DNAH11: variants seen among roughly 807,000 people sequenced by gnomAD.
The protein encoded by DNAH11 is axonemal beta dynein heavy chain 11.
A neutral mutation model predicts 526.0 loss-of-function variants in DNAH11; 442 were observed. The observed-to-expected ratio is 0.84, with a 90% CI of 0.78 to 0.91. DNAH11 has a LOEUF of 0.91. DNAH11 is among the 40% of genes least tolerant of loss of function. The pLI is 0.00. For synonymous variants in DNAH11, 2,461 were observed against 1,935.9 expected, an observed-to-expected ratio of 1.27 and a Z score of -7.12; for missense variants, 6,989 against 5,448.7, an observed-to-expected ratio of 1.28 and a Z score of -8.90.
chr7:21,816,125 T>G (rs556921064), intron 63 of DNAH11, among the ~76,000 whole-genome samples: 1 of 152,236 alleles, frequency 6.6e-6, no homozygotes, highest in East Asian at 1.9e-4. Context: ...CATGGATTGC[T>G]CCATGGGCAA....
At chr7:21,567,843 C>T (rs1046170379) in intron 6 of DNAH11, among the ~76,000 whole-genome samples, 2 of 152,240 alleles carry the variant, frequency 1.3e-5, no homozygotes, top group Non-Finnish European at 2.9e-5. Context: ...GTTCACCTTG[C>T]GTGCTAGCAC....
chr7:21,615,013 A>T, intron 20 of DNAH11, 101 bp from the exon 21 acceptor site: 1 of 1,324,852 alleles, frequency 7.5e-7, no homozygotes, highest in South Asian at 1.5e-5. Context: ...TTTTCCCGTT[A>T]AAAATCAAAG....
rs781049702 is a variant in DNAH11, at chr7:21,711,737, G to A, written c.6860G>A (p.Arg2287His). The A allele has an allele frequency of 6.8e-6, 11 of 1,613,614 alleles. No homozygotes were observed. Among genetic ancestry groups the A allele is most frequent in the East Asian group, 4.5e-5 (2 of 44,884 alleles). ...GTGCTGACCCTCGCCAGCAATGAGC[G>A]CATTGCACTCACTCCCTTCATGAGG... ...NKVLTLASNE[R>H]IALTPFMRLL... Residue 2287 changes from arginine (R) to histidine (H), a missense_variant, in exon 42 of 82, where the codon CGC becomes CAC. Arg to His is a conservative substitution (Grantham distance 29). Transcript: ENST00000409508.
intron 46 of DNAH11, among the ~76,000 whole-genome samples, chr7:21,737,310 G>A (rs1220997245): frequency 6.6e-6 from 1 of 152,212 alleles, no homozygotes; most frequent in Non-Finnish European, 1.5e-5. Flanking sequence ...ACTGCAGATA[G>A]GGTGACCACC....
chr7:21,569,907 T>C (rs1001052378), intron 6 of DNAH11, among the ~76,000 whole-genome samples, 162 bp from the exon 7 acceptor site: 15 of 152,194 alleles, frequency 9.9e-5, no homozygotes, highest in Admixed American at 7.2e-4. Context: ...GTCATTGAAG[T>C]CCAAGTAGCT....
At chr7:21,544,513 T>C (rs971257146) in intron 1 of DNAH11, among the ~76,000 whole-genome samples, 12 of 152,250 alleles carry the variant, frequency 7.9e-5, no homozygotes, top group African/African-American at 2.9e-4. Flanking sequence ...ATAGTTATTA[T>C]AATGTTCAAT....
At chr7:21,823,521 C>T (rs1272930270) in intron 65 of DNAH11, among the ~76,000 whole-genome samples, 1 of 151,968 alleles carries the variant, frequency 6.6e-6, no homozygotes, top group Non-Finnish European at 1.5e-5. Context: ...TTTAATTTGC[C>T]TTATTTAATG....
In DNAH11 at chr7:21,590,961, A is replaced by G. The variant is rs779965664; in HGVS notation, c.2213A>G (p.Lys738Arg). The stretch of plus-strand genomic sequence containing the variant: ...GAAGTGAAATATCTTTTGATGTTGA[A>G]GAAACAAGACATACCAGATTCAGCT... ...LREVKYLLML[K>R]KQDIPDSALA... The change falls in exon 13 of 82, where the codon AAG becomes AGG. Residue 738 changes from lysine (K) to arginine (R), a missense_variant. Coordinates refer to ENST00000409508, the MANE Select transcript of DNAH11 (RefSeq NM_001277115.2). 9.9e-6 allele frequency: 15 copies of G among 1,515,940 alleles called. No homozygotes were observed. In the African/African-American group the frequency reaches 1.6e-4, roughly 16 times the overall value. 93.9% of individuals were successfully genotyped at this position (1,515,940 alleles called of 1,614,324 possible).
intron 71 of DNAH11, among the ~76,000 whole-genome samples, chr7:21,867,019 G>T (rs1783307674): frequency 6.6e-6 from 1 of 152,132 alleles, no homozygotes; most frequent in African/African-American, 2.4e-5. Context: ...TTCAGTGATG[G>T]CATTTTGGTT....
chr7:21,683,309 C>T (rs1282013861), intron 31 of DNAH11, among the ~76,000 whole-genome samples: 1 of 152,152 alleles, frequency 6.6e-6, no homozygotes, highest in Non-Finnish European at 1.5e-5. Flanking sequence ...ATGAAAAATA[C>T]TGTTATTTGA....
At chr7:21,580,094 G>A (rs1010021400) in intron 8 of DNAH11, among the ~76,000 whole-genome samples, 1 of 152,160 alleles carries the variant, frequency 6.6e-6, no homozygotes, top group Non-Finnish European at 1.5e-5. Flanking sequence ...ACTTTCCAAG[G>A]GAGAGGTCCC....
intron 30 of DNAH11, among the ~76,000 whole-genome samples, chr7:21,680,542 A>G (rs1783095871): frequency 1.3e-5 from 2 of 152,212 alleles, no homozygotes; most frequent in African/African-American, 4.8e-5. Context: ...TCACATGTTT[A>G]TGTAGGTAGT....
At chr7:21,857,057 G>A (rs573526912) in intron 68 of DNAH11, among the ~76,000 whole-genome samples, 2 of 152,142 alleles carry the variant, frequency 1.3e-5, no homozygotes, top group Non-Finnish European at 2.9e-5. Flanking sequence ...ACCTGATTAT[G>A]TATATAGAAA....
chr7:21,561,434 C>A (rs1562661760), intron 5 of DNAH11: 1 of 323,550 alleles, frequency 3.1e-6, no homozygotes, highest in Non-Finnish European at 5.5e-6. Context: ...GGAGTGAGGC[C>A]TTCATTCGGA....
chr7:21,563,897 TC>T (rs1262365039), intron 5 of DNAH11, among the ~76,000 whole-genome samples: 1 of 152,136 alleles, frequency 6.6e-6, no homozygotes, highest in Admixed American at 6.5e-5. Flanking sequence ...TGAGTAAATT[TC>T]TTTAGACTCC....
At chr7:21,777,808 A>G (rs748005599) in intron 56 of DNAH11, among the ~76,000 whole-genome samples, 1 of 152,228 alleles carries the variant, frequency 6.6e-6, no homozygotes, top group South Asian at 2.1e-4. Flanking sequence ...AGTAGCAGCC[A>G]TAGTAGTAAT....
At chr7:21,740,013 G>C (rs953894244) in intron 48 of DNAH11, among the ~76,000 whole-genome samples, 3 of 152,060 alleles carry the variant, frequency 2.0e-5, no homozygotes, top group Non-Finnish European at 2.9e-5. Flanking sequence ...CTAAAGTTCA[G>C]AGTTTACATC....
intron 35 of DNAH11, among the ~76,000 whole-genome samples, chr7:21,693,063 T>C (rs1437522509): frequency 6.6e-6 from 1 of 152,234 alleles, no homozygotes; most frequent in African/African-American, 2.4e-5. Context: ...CCTTTTCATT[T>C]TCTTTTGTCC....
intron 30 of DNAH11, among the ~76,000 whole-genome samples, chr7:21,659,337 T>G (rs1782151914): frequency 6.6e-6 from 1 of 150,866 alleles, no homozygotes; most frequent in Non-Finnish European, 1.5e-5. Context: ...GATCATGTAT[T>G]TATTAGAAAA....
Sources: gnomAD v4.1 joint callset for allele counts (sites outside exome capture counted in the v4.1 genomes callset) on GRCh38, gnomAD v4.1.1 for gene constraint, MANE v1.5 for transcripts, NCBI Gene and HGNC (gene_info 2026-07-23, HGNC 2026-07-21) for gene names.